CABIN1: variants seen among roughly 807,000 people sequenced by gnomAD.
CABIN1 encodes calcineurin-binding protein cabin-1.
Under a neutral mutation model 227.7 loss-of-function variants are expected in CABIN1, and 133 were observed. The ratio of observed to expected loss-of-function variants is 0.58; its 90% CI spans 0.51 to 0.67. The LOEUF is 0.67. Ranked by LOEUF, CABIN1 falls within the 30% of genes least tolerant of loss-of-function variation. CABIN1 has a pLI of 0.00. For synonymous variants in CABIN1, 1,086 were observed against 1,155.1 expected (o/e 0.94, Z 1.21); for missense variants, 2,408 against 2,852.5 (o/e 0.84, Z 3.55).
intron 1 of CABIN1, among the ~76,000 whole-genome samples, chr22:24,014,920 T>A (rs916313813): frequency 3.3e-5 from 5 of 152,094 alleles, no homozygotes; most frequent in Admixed American, 1.3e-4. Context: ...TTCTTTCTTA[T>A]ACGAAGGTGA....
rs758674222 is a variant in CABIN1 at position 24,166,917 on chromosome 22, C to G, written c.5286C>G (p.Asp1762Glu). 1 of 1,606,564 alleles carries G rather than the reference C, an allele frequency of 6.2e-7. No individual in the cohort carries two copies. The highest frequency in any genetic ancestry group is 1.7e-5 in the Admixed American group (1 of 58,922). ...SPRAGPTEPM[D>E]TSEATVCHSD... ...GGGCAGGGCCCACTGAGCCCATGGACACGAGTGAGGCCACTGTTTGCCACT... is the reference window on the plus strand; with the variant it reads ...GGGCAGGGCCCACTGAGCCCATGGAGACGAGTGAGGCCACTGTTTGCCACT... The change falls in exon 32 of 37, where the codon GAC becomes GAG. Residue 1762 changes from aspartate (D) to glutamate (E), a missense_variant. Coordinates refer to ENST00000263119, the MANE Select transcript of CABIN1 (RefSeq NM_012295.4).
chr22:24,056,513 A>C, intron 10 of CABIN1, 153 bp downstream of exon 10: 9 of 761,738 alleles, frequency 1.2e-5, no homozygotes, highest in East Asian at 2.7e-5. Flanking sequence ...CACAAATCTC[A>C]CTGGAGTAGG....
intron 1 of CABIN1, among the ~76,000 whole-genome samples, chr22:24,022,709 A>G (rs1440155916): frequency 6.6e-6 from 1 of 152,222 alleles, no homozygotes; most frequent in Non-Finnish European, 1.5e-5. Flanking sequence ...TCAGCAGTGT[A>G]TGATTCTTCC....
chr22:24,176,461 G>T (rs2047114893), intron 35 of CABIN1, among the ~76,000 whole-genome samples, 186 bp downstream of exon 35: 1 of 152,194 alleles, frequency 6.6e-6, no homozygotes, highest in Non-Finnish European at 1.5e-5. Flanking sequence ...CCAGGCTGAA[G>T]AGTTTAATGC....
chr22:24,117,195 G>T (rs2043136982), intron 27 of CABIN1, among the ~76,000 whole-genome samples: 2 of 152,148 alleles, frequency 1.3e-5, no homozygotes, highest in African/African-American at 4.8e-5. Context: ...CTAGGCAACT[G>T]ATTGTTGTTG....
chr22:24,123,909 G>A (rs1206577085), intron 28 of CABIN1, among the ~76,000 whole-genome samples: 1 of 152,240 alleles, frequency 6.6e-6, no homozygotes, highest in Non-Finnish European at 1.5e-5. Flanking sequence ...CCTCTTCAAA[G>A]GGGCCCACAA....
chr22:24,138,265 G>A (rs935324409), intron 29 of CABIN1, among the ~76,000 whole-genome samples: 5 of 152,316 alleles, frequency 3.3e-5, no homozygotes, highest in African/African-American at 1.2e-4. Flanking sequence ...CAAATGGGGG[G>A]CAGATTTAAG....
chr22:24,091,861 C>T lies in CABIN1; in HGVS notation c.3786+18C>T, dbSNP rs536920020. ...CCCTGGAGGTGACACCATGCTGGCC[C>T]AGGGCGGGGAAGCAGGGCAGGGGCA... On this transcript the variant is annotated intron_variant, in intron 24 of 36. Transcript: ENST00000263119. 6 of 1,611,384 alleles carry T rather than the reference C, an allele frequency of 3.7e-6. No individual in the cohort carries two copies. The highest frequency in any genetic ancestry group is 5.1e-6 in the Non-Finnish European group (6 of 1,178,036).
At chr22:24,075,505 T>A (rs1470737467) in intron 18 of CABIN1, among the ~76,000 whole-genome samples, 2 of 152,166 alleles carry the variant, frequency 1.3e-5, no homozygotes, top group African/African-American at 4.8e-5. Context: ...ATGCCTGTAG[T>A]CTCAACACTT....
At chr22:24,017,649 A>G (rs1332253671) in intron 1 of CABIN1, among the ~76,000 whole-genome samples, 1 of 152,158 alleles carries the variant, frequency 6.6e-6, no homozygotes, top group South Asian at 2.1e-4. Context: ...GTTGTAGCAT[A>G]TTTCGGAATT....
chr22:24,135,390 A>T (rs2044333361), intron 29 of CABIN1, among the ~76,000 whole-genome samples: 1 of 140,910 alleles, frequency 7.1e-6, no homozygotes, highest in African/African-American at 2.5e-5. Flanking sequence ...ACTCCCTCTT[A>T]AAAAAAAAAA....
chr22:24,150,548 G>T (rs1037734314), intron 29 of CABIN1, among the ~76,000 whole-genome samples: 1 of 152,210 alleles, frequency 6.6e-6, no homozygotes, highest in Non-Finnish European at 1.5e-5. Context: ...GGGTGTGGAG[G>T]CCCGAGTGCT....
intron 28 of CABIN1, among the ~76,000 whole-genome samples, chr22:24,129,351 T>A (rs544080923): frequency 7.6e-4 from 115 of 152,252 alleles, no homozygotes; most frequent in African/African-American, 2.6e-3. Context: ...TAGTGCGAGT[T>A]AGTGGGCGGG....
chr22:24,026,011 T>G (rs2036061833), intron 1 of CABIN1, among the ~76,000 whole-genome samples: 1 of 152,124 alleles, frequency 6.6e-6, no homozygotes, highest in Non-Finnish European at 1.5e-5. Flanking sequence ...TTTTTTTGTA[T>G]TTTTTTGTAG....
At chr22:24,165,813 A>G (rs1463345161) in intron 31 of CABIN1, among the ~76,000 whole-genome samples, 187 bp downstream of exon 31, 1 of 152,202 alleles carries the variant, frequency 6.6e-6, no homozygotes, top group East Asian at 1.9e-4. Context: ...ATGAATGCAC[A>G]TGAATTCAGT....
intron 12 of CABIN1, 65 bp from the exon 13 acceptor site, chr22:24,061,882 C>T: frequency 8.5e-7 from 1 of 1,170,386 alleles, no homozygotes; most frequent in East Asian, 2.3e-5. Flanking sequence ...CCACAGCCCC[C>T]TACCCCCCAC....
intron 29 of CABIN1, among the ~76,000 whole-genome samples, chr22:24,143,181 C>T (rs1298470784): frequency 6.6e-6 from 1 of 152,142 alleles, no homozygotes; most frequent in Non-Finnish European, 1.5e-5. Flanking sequence ...GAAGCCCATG[C>T]GTTGTGACTG....
chr22:24,088,764 T>G (rs2071615531), intron 23 of CABIN1, among the ~76,000 whole-genome samples: 1 of 152,148 alleles, frequency 6.6e-6, no homozygotes, highest in Non-Finnish European at 1.5e-5. Context: ...AAAGTACTTT[T>G]TATACATAAA....
intron 29 of CABIN1, chr22:24,156,046 C>T: frequency 4.1e-6 from 2 of 485,800 alleles, no homozygotes; most frequent in Non-Finnish European, 7.3e-6. Context: ...GCCCTAGCTC[C>T]ACTGCACAGA....
Sources: allele counts gnomAD v4.1 joint callset (sites outside exome capture counted in the v4.1 genomes callset), GRCh38; gene constraint gnomAD v4.1.1; transcripts MANE v1.5; gene names NCBI Gene and HGNC (gene_info 2026-07-23, HGNC 2026-07-21).